DHX37: variants seen among roughly 807,000 people sequenced by gnomAD.
DHX37 encodes the protein DEAH-box helicase 37, also known as probable ATP-dependent RNA helicase DHX37.
Under a neutral mutation model 134.3 loss-of-function variants are expected in DHX37, and 52 were observed. The ratio of observed to expected loss-of-function variants is 0.39; its 90% CI spans 0.31 to 0.49. The LOEUF is 0.49. DHX37 is among the 20% of genes least tolerant of loss of function. DHX37 has a pLI of 0.93. For missense variants in DHX37, 1,344 were observed against 1,580.8 expected, an observed-to-expected ratio of 0.85 and a Z score of 2.54; for synonymous variants, 634 against 670.7, an observed-to-expected ratio of 0.95 and a Z score of 0.85.
chr12:124,954,309 C>T (rs560993526), intron 18 of DHX37, 98 bp from the exon 19 acceptor site: 1 of 1,479,584 alleles, frequency 6.8e-7, no homozygotes, highest in South Asian at 1.5e-5. Flanking sequence ...GGCTCAGAGG[C>T]CTTGTGGGGT....
intron 4 of DHX37, among the ~76,000 whole-genome samples, chr12:124,977,905 C>T (rs939607533): frequency 3.3e-5 from 5 of 152,158 alleles, no homozygotes; most frequent in Non-Finnish European, 5.9e-5. Flanking sequence ...TCCTGTGACT[C>T]ATGGAAAGAA....
At chr12:124,981,026 A>G (rs1954748828) in intron 3 of DHX37, among the ~76,000 whole-genome samples, 188 bp from the exon 4 acceptor site, 1 of 147,542 alleles carries the variant, frequency 6.8e-6, no homozygotes, top group Non-Finnish European at 1.5e-5. Context: ...TGTCAGGGAG[A>G]CTCCCTGACC....
Position 124,980,148 on chromosome 12 carries a change from T to C in DHX37, c.738+342A>G, listed in dbSNP as rs2135966034. Among the ~76,000 whole-genome samples the C allele has an allele frequency of 6.6e-6, 1 of 152,356 alleles. No individual in the cohort carries two copies. The highest frequency in any genetic ancestry group is 2.1e-4 in the South Asian group (1 of 4,834). On this transcript the variant is annotated intron_variant, in intron 4 of 26. Coordinates refer to ENST00000308736, the MANE Select transcript of DHX37 (RefSeq NM_032656.4). The surrounding 1 kb of genome is among the most constrained non-coding windows in gnomAD (Gnocchi z 5.3). ...GCTGGAGAGCAGGGGAATCAGCACT[T>C]GATTTCGGGTCAACTGATTCACAGC...
Position 124,967,984 on chromosome 12 carries a change from G to A in DHX37, c.1408+550C>T, listed in dbSNP as rs180948261. Among the ~76,000 whole-genome samples the A allele has an allele frequency of 6.5e-3, 986 of 152,214 alleles. 10 individuals are homozygous for A. Among genetic ancestry groups the A allele is most frequent in the African/African-American group, 0.023 (940 of 41,530 alleles). On this transcript the variant is annotated intron_variant, in intron 10 of 26. Transcript: ENST00000308736. ...TAATCCCAGCTACTTGGGAGGCTGA[G>A]GCAGGAGAATCACTTGAACCCGGGA... is the stretch of plus-strand genomic sequence containing the variant.
At chr12:124,967,341 T>A in intron 10 of DHX37, 123 bp from the exon 11 acceptor site, 2 of 1,050,760 alleles carry the variant, frequency 1.9e-6, no homozygotes, top group East Asian at 2.6e-5. Context: ...AGGACAGGAG[T>A]ACACAGACAT....
intron 15 of DHX37, among the ~76,000 whole-genome samples, chr12:124,961,194 A>G (rs1392127615): frequency 3.3e-5 from 4 of 120,872 alleles, no homozygotes; most frequent in African/African-American, 1.2e-4. Flanking sequence ...GCACGCACAC[A>G]CACACATACA....
At position 124,948,229 on chromosome 12, in the gene DHX37, C is replaced by T. The variant is rs780027505; in HGVS notation, c.3291-48G>A. The T allele has an allele frequency of 1.5e-5, 24 of 1,589,278 alleles. No homozygotes were observed. In the East Asian group the frequency reaches 1.6e-4, roughly 10 times the overall value. ...GGTGGCAGGCAGCCAGGGCACAGAC[C>T]GGCTGCTGCTGGGGGCCCGAAAGCA... On this transcript the variant is annotated intron_variant, in intron 25 of 26. Coordinates refer to ENST00000308736, the MANE Select transcript of DHX37 (RefSeq NM_032656.4).
chr12:124,984,788 T>A (rs1954831647), intron 2 of DHX37, among the ~76,000 whole-genome samples: 1 of 152,216 alleles, frequency 6.6e-6, no homozygotes, highest in Non-Finnish European at 1.5e-5. Context: ...TATAATGCTA[T>A]GTATAGTGGG....
rs1954115825 is a variant in DHX37, at chr12:124,957,122, G to A, written c.2171C>T (p.Pro724Leu). The change falls in exon 17 of 27, where the codon CCC becomes CTC. Residue 724 changes from proline (P) to leucine (L), a missense_variant. Around this residue, in one of 7 missense-constraint regions of DHX37, gnomAD observed 558 missense variants for 650.0 expected, o/e 0.86. Coordinates refer to ENST00000308736, the MANE Select transcript of DHX37 (RefSeq NM_032656.4). ...TTCCACGGAGGGGGGCGTCGGGAAG[G>A]GGAAGTTGATGACCTGGGACACAAG... ...ALNVEKVINF[P>L]FPTPPSVEAL... 6.7e-7 allele frequency: 1 copy of A among 1,497,896 alleles called. No individual in the cohort carries two copies. Among genetic ancestry groups the A allele is most frequent in the Non-Finnish European group, 8.9e-7 (1 of 1,126,212 alleles). 92.8% of individuals were successfully genotyped at this position (1,497,896 alleles called of 1,614,324 possible). A position where few individuals can be genotyped will look rare whatever the true frequency, so the allele number is the denominator to read the frequency against.
Position 124,975,919 on chromosome 12 carries a change from C to T in DHX37, c.888-408G>A, listed in dbSNP as rs558469868. On this transcript the variant is annotated intron_variant, in intron 5 of 26. Transcript: ENST00000308736. The stretch of plus-strand genomic sequence containing the variant: ...AAAGGCTGCTGACGGGGCTGGCCCT[C>T]GCTGGGTGCCTGAACCTGTACAACA... 5.9e-5 allele frequency among the ~76,000 whole-genome samples: 9 copies of T among 152,346 alleles called. No homozygotes were observed. In the East Asian group the frequency reaches 9.6e-4, roughly 16 times the overall value.
At chr12:124,985,072 C>T (rs186680041) in intron 2 of DHX37, among the ~76,000 whole-genome samples, 1 of 152,246 alleles carries the variant, frequency 6.6e-6, no homozygotes, top group Admixed American at 6.6e-5. Flanking sequence ...AGGAAGAGGC[C>T]AGGAATGACC....
intron 6 of DHX37, 64 bp from the exon 7 acceptor site, chr12:124,972,663 A>G (rs554366222): frequency 2.0e-6 from 3 of 1,535,894 alleles, no homozygotes; most frequent in East Asian, 2.2e-5. Context: ...CCACGGGGCC[A>G]CTACAAGGCA....
At chr12:124,963,686 G>A (rs1476058241) in intron 15 of DHX37, among the ~76,000 whole-genome samples, 17 of 149,544 alleles carry the variant, frequency 1.1e-4, no homozygotes, top group South Asian at 2.1e-4. Flanking sequence ...TGGCTAACAC[G>A]GTGAAAACCC....
At position 124,950,196 on chromosome 12, in the gene DHX37, C is replaced by T; in HGVS notation, c.3169G>A (p.Gly1057Arg). 1 of 1,614,078 alleles carries T rather than the reference C, an allele frequency of 6.2e-7. No homozygotes were observed. The highest frequency in any genetic ancestry group is 1.1e-5 in the South Asian group (1 of 91,086). Residue 1057 changes from glycine to arginine, a missense_variant, in exon 24 of 27, where the codon GGG becomes AGG. Gly to Arg is a moderately radical substitution (Grantham distance 125, BLOSUM62 -2). Transcript: ENST00000308736. Reference sequence around the variant, plus strand: ...GCAAAGTGCTTGTAGCGGTCAATCCCCTCTGGAAAATCCACCTCGATGGCG... The same window carrying T: ...GCAAAGTGCTTGTAGCGGTCAATCCTCTCTGGAAAATCCACCTCGATGGCG... ...LPAIEVDFPE[G>R]IDRYKHFARF... is the part of the protein sequence containing the mutation.
rs562587408 is a variant in DHX37 at position 124,988,910 on chromosome 12, G to T, written c.106+7C>A. ...CGAAATCCAGCCCCGGTCCGGGGAT[G>T]TCTTACCCTCCAGTTCCAGCTGCAC... On this transcript the variant is annotated splice_region_variant and intron_variant, in intron 1 of 26. Coordinates refer to ENST00000308736, the MANE Select transcript of DHX37 (RefSeq NM_032656.4). The T allele has an allele frequency of 2.9e-4, 369 of 1,277,970 alleles. 2 individuals are homozygous for T. In the African/African-American group the frequency reaches 6.1e-3, roughly 21 times the overall value. The allele number at this position is 1,277,970 out of a possible 1,614,324, so 79.2% of individuals were successfully genotyped here.
At chr12:124,957,268 G>A (rs937244349) in intron 16 of DHX37, 133 bp from the exon 17 acceptor site, 9 of 727,828 alleles carry the variant, frequency 1.2e-5, no homozygotes, top group Admixed American at 4.0e-5. Context: ...GGACACAGGG[G>A]CCTGGGGCAC....
intron 4 of DHX37, among the ~76,000 whole-genome samples, chr12:124,979,532 G>A (rs1464409053): frequency 6.6e-6 from 1 of 152,222 alleles, no homozygotes; most frequent in African/African-American, 2.4e-5. Flanking sequence ...CAACATGGAT[G>A]TATCCCAAGA....
intron 2 of DHX37, 133 bp from the exon 3 acceptor site, chr12:124,982,756 A>C: frequency 3.2e-6 from 4 of 1,243,018 alleles, no homozygotes; most frequent in Non-Finnish European, 4.4e-6. Context: ...TTGCAATTCT[A>C]CTGGTGCATG....
chr12:124,979,018 T>C (rs900746161), intron 4 of DHX37, among the ~76,000 whole-genome samples: 2 of 151,950 alleles, frequency 1.3e-5, no homozygotes, highest in Non-Finnish European at 2.9e-5. Context: ...AAGAGAAACT[T>C]CTGCACATGC....
Sources: gnomAD v4.1 joint callset for allele counts (sites outside exome capture counted in the v4.1 genomes callset) on GRCh38, gnomAD v4.1.1 for gene constraint, gnomAD v4.1.1 regional missense constraint, Gnocchi (gnomAD v3.1) non-coding constraint, MANE v1.5 for transcripts, NCBI Gene and HGNC (gene_info 2026-07-23, HGNC 2026-07-21) for gene names.